The following JMJD1C variants were observed in gnomAD, a reference collection of about 807,000 sequenced individuals.
The protein encoded by JMJD1C is jumonji domain-containing protein 1C.
In JMJD1C, 31 loss-of-function variants were observed where a neutral mutation model predicts 245.3. The observed-to-expected ratio is 0.13, with a 90% CI of 0.09 to 0.17. The LOEUF is 0.17. Among genes scored for constraint, JMJD1C ranks in the 10% least tolerant of loss-of-function variants. The probability of loss-of-function intolerance (pLI) is 1.00; values close to 1 mark genes in which losing one functional copy is unlikely to be tolerated. For synonymous variants in JMJD1C, 1,057 were observed against 1,017.4 expected (o/e 1.04, Z -0.74); for missense variants, 2,691 against 3,000.2 (o/e 0.90, Z 2.41).
chr10:63,173,931 A>T (rs1842634127), intron 24 of JMJD1C, among the ~76,000 whole-genome samples: 1 of 152,194 alleles, frequency 6.6e-6, no homozygotes, highest in African/African-American at 2.4e-5. Context: ...GCAAATGAAG[A>T]TATAAAAAGA....
At chr10:63,204,208 T>A (rs1846345065) in intron 10 of JMJD1C, 1 of 984,998 alleles carries the variant, frequency 1.0e-6, no homozygotes, top group Non-Finnish European at 1.2e-6. Flanking sequence ...ATAGATGACA[T>A]CTAATATTGA....
At chr10:63,247,130 ACAAAAAAC>A (rs1852322599) in intron 3 of JMJD1C, among the ~76,000 whole-genome samples, 2 of 151,126 alleles carry the variant, frequency 1.3e-5, no homozygotes, top group Non-Finnish European at 3.0e-5. Context: ...AAACAAAAAA[ACAAAAAAC>A]AGAAGAAAAT....
At chr10:63,251,369 C>A (rs907701766) in intron 3 of JMJD1C, among the ~76,000 whole-genome samples, 6 of 151,842 alleles carry the variant, frequency 4.0e-5, no homozygotes, top group African/African-American at 1.5e-4. Context: ...TTAAAAATAC[C>A]TTATTACTTT....
intron 2 of JMJD1C, among the ~76,000 whole-genome samples, chr10:63,351,258 T>G (rs1287505245): frequency 6.6e-6 from 1 of 151,834 alleles, no homozygotes; most frequent in Non-Finnish European, 1.5e-5. Context: ...TTGGTATTTA[T>G]AGTGGTATTT....
At chr10:63,179,082 A>C (rs1484005702) in intron 22 of JMJD1C, among the ~76,000 whole-genome samples, 1 of 152,160 alleles carries the variant, frequency 6.6e-6, no homozygotes, top group Non-Finnish European at 1.5e-5. Flanking sequence ...CAGGATAAGG[A>C]ATCAACTTAA....
At chr10:63,418,863 G>A (rs550289685) in intron 1 of JMJD1C, among the ~76,000 whole-genome samples, 1 of 151,984 alleles carries the variant, frequency 6.6e-6, no homozygotes, top group Non-Finnish European at 1.5e-5. Flanking sequence ...GGGATCACGA[G>A]GTCAGGAGTT....
Position 63,480,805 on chromosome 10 carries a change from A to G in JMJD1C, n.113+40933T>C, listed in dbSNP as rs1291070726. Among the ~76,000 whole-genome samples the G allele has an allele frequency of 1.3e-5, 2 of 152,218 alleles. 1 individual carries two copies. The highest frequency in any genetic ancestry group is 4.1e-4 in the South Asian group (2 of 4,834). Reference sequence around the variant, plus strand: ...AATGAGAAAGCCCAGGACTCTGGCTATAACTACAAAGGAAGAAAAAGTTCC... The same window carrying G: ...AATGAGAAAGCCCAGGACTCTGGCTGTAACTACAAAGGAAGAAAAAGTTCC... On this transcript the variant is annotated intron_variant and non_coding_transcript_variant, in intron 1 of 3. Coordinates refer to the JMJD1C transcript ENST00000633035.
chr10:63,422,338 G>A (rs1950173829), intron 1 of JMJD1C, among the ~76,000 whole-genome samples: 1 of 152,168 alleles, frequency 6.6e-6, no homozygotes, highest in Non-Finnish European at 1.5e-5. Context: ...CTTGAACCCA[G>A]GAGGCGGGGT....
intron 22 of JMJD1C, among the ~76,000 whole-genome samples, chr10:63,180,793 G>C (rs1377121252): frequency 2.7e-5 from 4 of 148,810 alleles, no homozygotes; most frequent in Non-Finnish European, 5.9e-5. Flanking sequence ...TTTTGAGACG[G>C]AGTCTCGCTC....
At chr10:63,394,844 C>CAAA (rs35359377) in intron 1 of JMJD1C, among the ~76,000 whole-genome samples, 22 of 126,982 alleles carry the variant, frequency 1.7e-4, no homozygotes, top group African/African-American at 3.6e-4. Flanking sequence ...AACTCCATCA[C>CAAA]AAAAAAAAAA....
intron 3 of JMJD1C, among the ~76,000 whole-genome samples, chr10:63,237,030 TTTTTGTTTTG>T (rs541171365): frequency 1.2e-4 from 18 of 151,994 alleles, no homozygotes; most frequent in African/African-American, 4.1e-4. Flanking sequence ...ACAAACACTG[TTTTTGTTTTG>T]TTTTGTTTTG....
intron 2 of JMJD1C, among the ~76,000 whole-genome samples, chr10:63,362,256 C>T (rs1028495433): frequency 1.3e-5 from 2 of 149,948 alleles, no homozygotes; most frequent in African/African-American, 4.9e-5. Flanking sequence ...AAAAAAATCA[C>T]TAGTTTGAAA....
chr10:63,457,723 A>G (rs1462428100), intron 1 of JMJD1C, among the ~76,000 whole-genome samples: 2 of 152,216 alleles, frequency 1.3e-5, no homozygotes, highest in African/African-American at 2.4e-5. Context: ...TTTTACTTTG[A>G]GAGTCTGTGA....
At chr10:63,285,346 T>C (rs548340565) in intron 2 of JMJD1C, among the ~76,000 whole-genome samples, 41 of 152,260 alleles carry the variant, frequency 2.7e-4, no homozygotes, top group Admixed American at 9.8e-4. Context: ...AGGGCTAAAA[T>C]TGGCCTCAAC....
At position 63,193,024 on chromosome 10, in the gene JMJD1C, T is replaced by G. The variant is rs570457493; in HGVS notation, c.5990A>C (p.Asp1997Ala). The G allele has an allele frequency of 6.2e-7, 1 of 1,614,188 alleles. No individual in the cohort carries two copies. Among genetic ancestry groups the G allele is most frequent in the East Asian group, 2.2e-5 (1 of 44,888 alleles). ...GSSPESDVGT[D>A]NKLTPPESQS... ...GGATTCTGGAGGAGTTAACTTGTTA[T>G]CTGTGCCTACATCACTCTCTGGGCT... Residue 1997 changes from aspartate to alanine, a missense_variant, in exon 16 of 26, where the codon GAT becomes GCT. Coordinates refer to ENST00000399262, the MANE Select transcript of JMJD1C (RefSeq NM_032776.3).
intron 1 of JMJD1C, among the ~76,000 whole-genome samples, chr10:63,508,263 T>A (rs998706406): frequency 6.6e-6 from 1 of 152,224 alleles, no homozygotes; most frequent in Non-Finnish European, 1.5e-5. Context: ...GTATTGCCTT[T>A]ATTCCTTTGC....
chr10:63,434,331 TAG>T (rs1166137090), intron 1 of JMJD1C, among the ~76,000 whole-genome samples: 1 of 152,202 alleles, frequency 6.6e-6, no homozygotes, highest in Non-Finnish European at 1.5e-5. Context: ...GGCAATGGAC[TAG>T]GTTATGGGAA....
At chr10:63,410,528 C>T (rs1353507783) in intron 1 of JMJD1C, among the ~76,000 whole-genome samples, 1 of 152,096 alleles carries the variant, frequency 6.6e-6, no homozygotes, top group Admixed American at 6.6e-5. Context: ...AAAAACCTTC[C>T]ATAAGAATCC....
At chr10:63,447,653 T>C (rs1951795151) in intron 1 of JMJD1C, among the ~76,000 whole-genome samples, 1 of 152,138 alleles carries the variant, frequency 6.6e-6, no homozygotes, top group Admixed American at 6.5e-5. Flanking sequence ...GATCAAATCT[T>C]ATTTTCTATG....
Sources: allele counts gnomAD v4.1 joint callset (sites outside exome capture counted in the v4.1 genomes callset), GRCh38; gene constraint gnomAD v4.1.1; transcripts MANE v1.5; gene names NCBI Gene and HGNC (gene_info 2026-07-23, HGNC 2026-07-21).